Variants in KIF1A observed in about 807,000 individuals in gnomAD.
KIF1A encodes the protein kinesin-like protein KIF1A.
A neutral mutation model predicts 227.3 loss-of-function variants in KIF1A; 46 were observed. The observed-to-expected ratio is 0.20, with a 90% CI of 0.16 to 0.26. KIF1A has a LOEUF of 0.26. Ranked by LOEUF, KIF1A falls within the 10% of genes least tolerant of loss-of-function variation. The pLI is 1.00. For synonymous variants in KIF1A, 1,022 were observed against 1,012.8 expected, an observed-to-expected ratio of 1.01 and a Z score of -0.17; for missense variants, 1,683 against 2,485.9, an observed-to-expected ratio of 0.68 and a Z score of 6.87.
At chr2:240,730,536 C>T (rs1187982271) in intron 38 of KIF1A, among the ~76,000 whole-genome samples, 1 of 152,194 alleles carries the variant, frequency 6.6e-6, no homozygotes, top group African/African-American at 2.4e-5. Flanking sequence ...CAAGAGGAAA[C>T]ATGCAACCCA....
intron 27 of KIF1A, among the ~76,000 whole-genome samples, chr2:240,754,851 C>A (rs545987231): frequency 6.6e-6 from 1 of 152,172 alleles, no homozygotes; most frequent in South Asian, 2.1e-4. Flanking sequence ...CATGTGGGAC[C>A]CAAGGGAGTG....
rs1290737564 is a variant in KIF1A at position 240,782,584 on chromosome 2, G to A, written c.882+6C>T. The stretch of plus-strand genomic sequence containing the variant: ...ACCTGCCCCGGGGCTGAAGGAAGCC[G>A]CTTACCTTGTTGGGTCCGGAGTCCT... On this transcript the variant is annotated splice_donor_region_variant and intron_variant, in intron 10 of 48. Coordinates refer to ENST00000498729, the MANE Select transcript of KIF1A (RefSeq NM_001244008.2). The A allele has an allele frequency of 2.1e-5, 32 of 1,552,342 alleles. No individual in the cohort carries two copies. The highest frequency in any genetic ancestry group is 2.6e-5 in the Non-Finnish European group (30 of 1,147,886).
At chr2:240,747,773 GCCCCT>G (rs2048775471) in intron 28 of KIF1A, among the ~76,000 whole-genome samples, 1 of 152,010 alleles carries the variant, frequency 6.6e-6, no homozygotes, top group Non-Finnish European at 1.5e-5. Context: ...GCCACCAACC[GCCCCT>G]CCACGCAACT....
At chr2:240,744,692 C>T (rs373104712) in intron 32 of KIF1A, among the ~76,000 whole-genome samples, 1 of 152,304 alleles carries the variant, frequency 6.6e-6, no homozygotes, top group African/African-American at 2.4e-5. Flanking sequence ...CAATCCTGCC[C>T]ACACCCTCAT....
chr2:240,783,994 C>T (rs1299558283), intron 7 of KIF1A, among the ~76,000 whole-genome samples, 178 bp from the exon 8 acceptor site: 2 of 152,164 alleles, frequency 1.3e-5, no homozygotes, highest in African/African-American at 4.8e-5. Context: ...CCCGCACCTC[C>T]GTCCCAGCTC....
chr2:240,751,341 T>C (rs2049181293), intron 27 of KIF1A, among the ~76,000 whole-genome samples: 1 of 152,140 alleles, frequency 6.6e-6, no homozygotes, highest in Admixed American at 6.5e-5. Flanking sequence ...CAGGCAGGTG[T>C]GGCTCTGAGC....
At position 240,763,508 on chromosome 2, in the gene KIF1A, T is replaced by C. The variant is rs1204573768; in HGVS notation, c.1769-162A>G. 5.3e-5 allele frequency among the ~76,000 whole-genome samples: 8 copies of C among 152,130 alleles called. 1 individual carries two copies. The highest frequency in any genetic ancestry group is 1.2e-4 in the Non-Finnish European group (8 of 68,004). On this transcript the variant is annotated intron_variant, in intron 20 of 48. Coordinates refer to ENST00000498729, the MANE Select transcript of KIF1A (RefSeq NM_001244008.2). ...CAGCCCTCGCTGGGACCTGAATGTG[T>C]CTCCTCACTCTCCCCATAAATCCAC...
In KIF1A at chr2:240,788,622, A is replaced by C. The variant is rs935122813; in HGVS notation, c.184-392T>G. Among the ~76,000 whole-genome samples the C allele has an allele frequency of 6.6e-6, 1 of 152,024 alleles. No individual in the cohort carries two copies. Among genetic ancestry groups the C allele is most frequent in the Non-Finnish European group, 1.5e-5 (1 of 67,994 alleles). On this transcript the variant is annotated intron_variant, in intron 3 of 48. Coordinates refer to ENST00000498729, the MANE Select transcript of KIF1A (RefSeq NM_001244008.2). This position sits in a 1 kb window ranked among gnomAD's most constrained non-coding sequence, Gnocchi z 6.6. ...CCACAGGCTGGGCTACAGCGCCTGG[A>C]CACTGTCCTGAGGACAGTGGGGCAC...
chr2:240,758,274 G>T lies in KIF1A; in HGVS notation c.2582+86C>A. ...AAAGCACTTGTCAGGGCCGCTCCTTGTATCAGGCCAGGGCCCACTCCTACC... is the reference window on the plus strand; with the variant it reads ...AAAGCACTTGTCAGGGCCGCTCCTTTTATCAGGCCAGGGCCCACTCCTACC... On this transcript the variant is annotated intron_variant, in intron 26 of 48. Transcript: ENST00000498729. The surrounding 1 kb of genome is among the most constrained non-coding windows in gnomAD (Gnocchi z 5.2). The T allele has an allele frequency of 6.9e-7, 1 of 1,450,138 alleles. No individual in the cohort carries two copies. The highest frequency in any genetic ancestry group is 9.3e-7 in the Non-Finnish European group (1 of 1,078,646). The allele number at this position is 1,450,138 out of a possible 1,614,324, so 89.8% of individuals were successfully genotyped here. A position where few individuals can be genotyped will look rare whatever the true frequency, so the allele number is the denominator to read the frequency against.
At chr2:240,737,894 G>A (rs1161448954) in intron 37 of KIF1A, among the ~76,000 whole-genome samples, 1 of 152,220 alleles carries the variant, frequency 6.6e-6, no homozygotes, top group Non-Finnish European at 1.5e-5. Context: ...GCCATGCATG[G>A]ACAAGATAAA....
At chr2:240,805,044 AGTGGGGAGGGAGAGGGGAGGGAGAGG>A (rs2057270049) in intron 1 of KIF1A, among the ~76,000 whole-genome samples, 1 of 96,420 alleles carries the variant, frequency 1.0e-5, no homozygotes, top group African/African-American at 4.1e-5. Context: ...AGGGGAGGGA[AGTGGGGAGGGAGAGGGGAGGGAGAGG>A]GCAGGGAGAG....
At chr2:240,814,847 G>T (rs1266091409) in intron 1 of KIF1A, among the ~76,000 whole-genome samples, 1 of 152,212 alleles carries the variant, frequency 6.6e-6, no homozygotes, top group East Asian at 1.9e-4. Flanking sequence ...AACCCAGGAG[G>T]TTGAGGCTGT....
At chr2:240,804,342 T>C (rs1342258523) in intron 1 of KIF1A, among the ~76,000 whole-genome samples, 1 of 152,198 alleles carries the variant, frequency 6.6e-6, no homozygotes, top group Non-Finnish European at 1.5e-5. Flanking sequence ...ACTTCTGCAG[T>C]ATGGTGGGTG....
intron 33 of KIF1A, 144 bp from the exon 34 acceptor site, chr2:240,743,128 G>A: frequency 1.6e-6 from 1 of 623,558 alleles, no homozygotes; most frequent in East Asian, 2.9e-5. Flanking sequence ...GCTTGGGTGG[G>A]AGGAAGAGGA....
At chr2:240,720,058 G>T in intron 45 of KIF1A, 132 bp from the exon 46 acceptor site, 1 of 819,524 alleles carries the variant, frequency 1.2e-6, no homozygotes, top group Non-Finnish European at 1.7e-6. Context: ...CTCCAGCTGT[G>T]CCCACAGTGG....
chr2:240,779,655 C>T (rs1386382840), intron 10 of KIF1A, among the ~76,000 whole-genome samples: 32 of 151,250 alleles, frequency 2.1e-4, no homozygotes, highest in African/African-American at 7.1e-4. Flanking sequence ...CACTTCCTCA[C>T]AGTTCCACAC....
chr2:240,785,175 T>C (rs544098075), intron 6 of KIF1A, 75 bp from the exon 7 acceptor site: 1 of 1,236,198 alleles, frequency 8.1e-7, no homozygotes, highest in East Asian at 2.4e-5. Context: ...GTGCCAGCCC[T>C]CTGAACCAGG....
In KIF1A at chr2:240,717,127, C is replaced by T. The variant is rs2044659204; in HGVS notation, c.*237G>A. Reference sequence around the variant, plus strand: ...CCTGTGCCCTTGGCCCCCCCAGCCTCTCCCAACTTGTTCCACCAGAGCACA... The same window carrying T: ...CCTGTGCCCTTGGCCCCCCCAGCCTTTCCCAACTTGTTCCACCAGAGCACA... On this transcript the variant is annotated 3_prime_UTR_variant, in exon 49 of 49. Coordinates refer to ENST00000498729, the MANE Select transcript of KIF1A (RefSeq NM_001244008.2). 1 of 486,740 alleles carries T rather than the reference C, an allele frequency of 2.1e-6. No homozygotes were observed. Among genetic ancestry groups the T allele is most frequent in the South Asian group, 4.1e-5 (1 of 24,232 alleles). 30.2% of individuals were successfully genotyped at this position (486,740 alleles called of 1,614,324 possible). A position where few individuals can be genotyped will look rare whatever the true frequency, so the allele number is the denominator to read the frequency against.
intron 38 of KIF1A, among the ~76,000 whole-genome samples, chr2:240,733,047 G>A (rs1364379288): frequency 1.5e-5 from 2 of 135,770 alleles, no homozygotes; most frequent in African/African-American, 5.3e-5. Context: ...ATGAGGGGGG[G>A]ATGAGAGGGT....
Sources: allele counts gnomAD v4.1 joint callset (sites outside exome capture counted in the v4.1 genomes callset), GRCh38; gene constraint gnomAD v4.1.1; non-coding constraint Gnocchi (gnomAD v3.1); transcripts MANE v1.5; gene names NCBI Gene and HGNC (gene_info 2026-07-23, HGNC 2026-07-21).